Variants in PTPRD observed in about 807,000 individuals in gnomAD.
The protein encoded by PTPRD is protein tyrosine phosphatase receptor type D.
A neutral mutation model predicts 214.5 loss-of-function variants in PTPRD; 34 were observed. That is an observed-to-expected ratio of 0.16 (90% confidence interval 0.12 to 0.21). The LOEUF (loss-of-function observed/expected upper bound fraction) is 0.21. Ranked by LOEUF, PTPRD falls within the 10% of genes least tolerant of loss-of-function variation. PTPRD has a pLI of 1.00. For synonymous variants in PTPRD, 1,128 were observed against 845.7 expected (o/e 1.33, Z -5.79); for missense variants, 2,545 against 2,398.7 (o/e 1.06, Z -1.27).
At chr9:9,190,960 CA>C (rs1431577222) in intron 9 of PTPRD, among the ~76,000 whole-genome samples, 22 of 152,066 alleles carry the variant, frequency 1.4e-4, no homozygotes, top group Non-Finnish European at 2.8e-4. Flanking sequence ...TGAACTGTCA[CA>C]TATAGCTTCA....
At chr9:8,544,943 C>T (rs1257834813) in intron 14 of PTPRD, among the ~76,000 whole-genome samples, 1 of 142,722 alleles carries the variant, frequency 7.0e-6, no homozygotes, top group Non-Finnish European at 1.5e-5. Context: ...TATCAAAGTG[C>T]CTTCTTCAAA....
At chr9:10,299,690 T>A (rs2095801394) in intron 3 of PTPRD, among the ~76,000 whole-genome samples, 1 of 152,174 alleles carries the variant, frequency 6.6e-6, no homozygotes, top group South Asian at 2.1e-4. Flanking sequence ...AGGCCTGGAG[T>A]CACTACAGGT....
intron 3 of PTPRD, among the ~76,000 whole-genome samples, chr9:10,255,593 G>A (rs1449296999): frequency 6.6e-6 from 1 of 151,760 alleles, no homozygotes; most frequent in African/African-American, 2.4e-5. Context: ...AACACTGTAT[G>A]CTTAGGCTAC....
chr9:10,098,154 T>C (rs532102664), intron 3 of PTPRD, among the ~76,000 whole-genome samples: 1 of 151,954 alleles, frequency 6.6e-6, no homozygotes, highest in East Asian at 1.9e-4. Flanking sequence ...CATGGAATAC[T>C]ATGGAGCCAT....
intron 4 of PTPRD, among the ~76,000 whole-genome samples, chr9:9,977,270 G>T (rs1404368174): frequency 6.6e-6 from 1 of 152,246 alleles, no homozygotes; most frequent in Non-Finnish European, 1.5e-5. Context: ...AAGCTCAAAA[G>T]TGCATCCTTG....
intron 8 of PTPRD, among the ~76,000 whole-genome samples, chr9:9,543,297 T>C (rs1298979130): frequency 6.6e-6 from 1 of 151,594 alleles, no homozygotes; most frequent in Non-Finnish European, 1.5e-5. Flanking sequence ...CACTGGTGGA[T>C]GTTAGAGTTG....
chr9:10,473,820 T>C (rs184299331), intron 2 of PTPRD, among the ~76,000 whole-genome samples: 41 of 152,240 alleles, frequency 2.7e-4, no homozygotes, highest in Admixed American at 1.5e-3. Flanking sequence ...TTATAAATTA[T>C]TGCCCCATTG....
intron 10 of PTPRD, among the ~76,000 whole-genome samples, chr9:9,023,515 C>T (rs915329159): frequency 1.3e-5 from 2 of 151,964 alleles, no homozygotes; most frequent in African/African-American, 4.8e-5. Flanking sequence ...CTTCTATTTA[C>T]ACTTAGTTGC....
At chr9:10,467,097 G>C (rs1192148126) in intron 2 of PTPRD, among the ~76,000 whole-genome samples, 1 of 152,196 alleles carries the variant, frequency 6.6e-6, no homozygotes, top group Non-Finnish European at 1.5e-5. Context: ...GACATTGCCA[G>C]TTGTTTTGAA....
chr9:9,302,477 T>G (rs545258422), intron 9 of PTPRD, among the ~76,000 whole-genome samples: 1 of 49,412 alleles, frequency 2.0e-5, no homozygotes, highest in Admixed American at 2.0e-4. Context: ...CATTTTAGGT[T>G]GCAGATAAGG....
chr9:10,244,692 C>T (rs2091776500), intron 3 of PTPRD, among the ~76,000 whole-genome samples: 2 of 152,034 alleles, frequency 1.3e-5, no homozygotes, highest in South Asian at 2.1e-4. Flanking sequence ...TATAATGGCC[C>T]ATATGGAAAA....
intron 14 of PTPRD, among the ~76,000 whole-genome samples, chr9:8,556,886 A>G (rs909928807): frequency 7.9e-5 from 12 of 152,178 alleles, no homozygotes; most frequent in African/African-American, 2.9e-4. Flanking sequence ...AACCTAATGA[A>G]TTAGAAAGAC....
intron 5 of PTPRD, among the ~76,000 whole-genome samples, chr9:9,925,034 T>A (rs997025413): frequency 6.6e-6 from 1 of 152,106 alleles, no homozygotes; most frequent in Non-Finnish European, 1.5e-5. Context: ...ACCTTTGACT[T>A]TAGCAGCTGG....
chr9:8,703,195 T>C (rs951010871), intron 12 of PTPRD, among the ~76,000 whole-genome samples: 5 of 152,222 alleles, frequency 3.3e-5, no homozygotes, highest in African/African-American at 7.2e-5. Flanking sequence ...AGGATGGTAA[T>C]AGACTATTCT....
chr9:9,172,151 G>A (rs2099921872), intron 10 of PTPRD, among the ~76,000 whole-genome samples: 1 of 151,920 alleles, frequency 6.6e-6, no homozygotes, highest in African/African-American at 2.4e-5. Context: ...AGCTTCTTTT[G>A]GAAAAGATAC....
At chr9:8,928,551 C>T (rs572470798) in intron 11 of PTPRD, among the ~76,000 whole-genome samples, 8 of 149,896 alleles carry the variant, frequency 5.3e-5, no homozygotes, top group Admixed American at 2.0e-4. Context: ...TGTTCTGGTC[C>T]GTTGGTCTAT....
intron 11 of PTPRD, among the ~76,000 whole-genome samples, chr9:8,967,408 A>C (rs2099203838): frequency 6.6e-6 from 1 of 152,164 alleles, no homozygotes; most frequent in South Asian, 2.1e-4. Flanking sequence ...TGGCAAAAAC[A>C]TGGGATCAGC....
At chr9:9,646,328 T>TGTGTGG (rs2096171053) in intron 7 of PTPRD, among the ~76,000 whole-genome samples, 1 of 146,630 alleles carries the variant, frequency 6.8e-6, no homozygotes, top group Non-Finnish European at 1.5e-5. Context: ...GGTGTGTGTG[T>TGTGTGG]GTGTGTGTGT....
intron 3 of PTPRD, among the ~76,000 whole-genome samples, chr9:10,279,010 G>A (rs573376970): frequency 2.6e-4 from 39 of 152,212 alleles, no homozygotes; most frequent in Non-Finnish European, 1.0e-4. Flanking sequence ...TCCTGGCCTC[G>A]TGATCTGCCC....
Sources: allele counts gnomAD v4.1 joint callset (sites outside exome capture counted in the v4.1 genomes callset), GRCh38; gene constraint gnomAD v4.1.1; transcripts MANE v1.5; gene names NCBI Gene and HGNC (gene_info 2026-07-23, HGNC 2026-07-21).